The following LRP1B variants were observed in gnomAD, a reference collection of about 807,000 sequenced individuals.
LRP1B encodes low-density lipoprotein receptor-related protein 1B.
In LRP1B, 217 loss-of-function variants were observed where a neutral mutation model predicts 556.6. The ratio of observed to expected loss-of-function variants is 0.39; its 90% CI spans 0.35 to 0.44. LRP1B has a LOEUF of 0.44. Among genes scored for constraint, LRP1B ranks in the 20% least tolerant of loss-of-function variants. The pLI, the probability that LRP1B is intolerant of heterozygous loss-of-function variation, is 1.00. For synonymous variants in LRP1B, 2,047 were observed against 1,865.8 expected, an observed-to-expected ratio of 1.10 and a Z score of -2.50; for missense variants, 5,053 against 5,620.8, an observed-to-expected ratio of 0.90 and a Z score of 3.23.
chr2:141,684,907 A>T (rs1302144009), intron 2 of LRP1B, among the ~76,000 whole-genome samples: 1 of 152,034 alleles, frequency 6.6e-6, no homozygotes, highest in Non-Finnish European at 1.5e-5. Flanking sequence ...GCCTAACACA[A>T]CTGCTCAGGT....
At chr2:141,249,942 T>C (rs1317821193) in intron 4 of LRP1B, among the ~76,000 whole-genome samples, 3 of 152,094 alleles carry the variant, frequency 2.0e-5, no homozygotes, top group Non-Finnish European at 4.4e-5. Context: ...ATTAACAGAG[T>C]TTTGTCCTCA....
At chr2:141,917,923 G>A (rs1438190678) in intron 1 of LRP1B, among the ~76,000 whole-genome samples, 1 of 152,102 alleles carries the variant, frequency 6.6e-6, no homozygotes, top group Non-Finnish European at 1.5e-5. Context: ...ACAAGAAACA[G>A]CTAACATGTC....
intron 1 of LRP1B, among the ~76,000 whole-genome samples, chr2:141,874,285 A>G (rs942461997): frequency 6.6e-6 from 1 of 151,730 alleles, no homozygotes; most frequent in African/African-American, 2.4e-5. Context: ...GTTGATCACA[A>G]TTTTACTACT....
intron 3 of LRP1B, among the ~76,000 whole-genome samples, chr2:141,418,325 C>T (rs187381710): frequency 6.6e-6 from 1 of 152,016 alleles, no homozygotes; most frequent in Admixed American, 6.6e-5. Context: ...AATGTTATAA[C>T]CCTTTTGCCC....
intron 43 of LRP1B, among the ~76,000 whole-genome samples, chr2:140,589,359 A>G (rs945477624): frequency 6.6e-5 from 10 of 152,180 alleles, no homozygotes; most frequent in Non-Finnish European, 1.5e-4. Context: ...GTAAAATGGT[A>G]CAGTCATTCT....
chr2:141,553,745 A>C (rs369062032), intron 2 of LRP1B, among the ~76,000 whole-genome samples: 13 of 137,446 alleles, frequency 9.5e-5, no homozygotes, highest in African/African-American at 3.6e-4. Context: ...ATTATATATA[A>C]AATATATAAT....
rs78969754 is a variant in LRP1B, at chr2:140,304,600, T to C, written c.12806-6631A>G. Among the ~76,000 whole-genome samples the C allele has an allele frequency of 5.0e-3, 763 of 152,304 alleles. 52 individuals are homozygous for C. The East Asian group carries it at 0.14, about 27-fold the overall frequency. On this transcript the variant is annotated intron_variant, in intron 83 of 90. Transcript: ENST00000389484. The stretch of plus-strand genomic sequence containing the variant: ...ATTGCAAAAATGTTCTCCCATTCTG[T>C]AGGTTGCCCGTTCACTCTGATGGTA...
At chr2:141,475,549 C>T (rs1391275010) in intron 3 of LRP1B, among the ~76,000 whole-genome samples, 3 of 152,222 alleles carry the variant, frequency 2.0e-5, no homozygotes, top group Non-Finnish European at 2.9e-5. Context: ...TGGAAACCCA[C>T]GGCCCTAAAT....
At chr2:141,041,646 C>G (rs1190185807) in intron 11 of LRP1B, among the ~76,000 whole-genome samples, 1 of 152,066 alleles carries the variant, frequency 6.6e-6, no homozygotes, top group Non-Finnish European at 1.5e-5. Context: ...ATGGGAGGAA[C>G]AAGTTCTAGT....
At chr2:141,990,949 A>G (rs1702326648) in intron 1 of LRP1B, among the ~76,000 whole-genome samples, 2 of 152,072 alleles carry the variant, frequency 1.3e-5, no homozygotes, top group South Asian at 4.1e-4. Flanking sequence ...CTACCTTTCC[A>G]ACATCACTTG....
chr2:142,027,172 G>A (rs918861681), intron 1 of LRP1B, among the ~76,000 whole-genome samples: 15 of 151,920 alleles, frequency 9.9e-5, no homozygotes, highest in African/African-American at 3.4e-4. Flanking sequence ...ATGGAGAGTG[G>A]TCAGACTGCT....
At chr2:141,338,363 C>T (rs1687926717) in intron 3 of LRP1B, among the ~76,000 whole-genome samples, 1 of 152,152 alleles carries the variant, frequency 6.6e-6, no homozygotes, top group Admixed American at 6.5e-5. Flanking sequence ...AGTACCCTTT[C>T]CCGCTTCTCT....
rs927201996 is a variant in LRP1B, at chr2:140,923,130, C to A, written c.3154G>T (p.Gly1052Cys). The A allele has an allele frequency of 1.2e-6, 2 of 1,611,610 alleles. No homozygotes were observed. Among genetic ancestry groups the A allele is most frequent in the Non-Finnish European group, 1.7e-6 (2 of 1,178,694 alleles). Reference protein sequence around the residue: ...CTKEEIHSPAGCNGNEFQCHP... With the variant: ...CTKEEIHSPACCNGNEFQCHP... ...CACTGAAATTCATTTCCGTTACAAC[C>A]AGCAGGAGAATGAATCTCTTAATTT... is the stretch of plus-strand genomic sequence containing the variant. Residue 1052 changes from glycine to cysteine, a missense_variant, in exon 21 of 91, where the codon GGT becomes TGT. Around this residue, in one of 5 missense-constraint regions of LRP1B, gnomAD observed 3,619 missense variants for 3,931.9 expected, o/e 0.92. Coordinates refer to ENST00000389484, the MANE Select transcript of LRP1B (RefSeq NM_018557.3).
intron 2 of LRP1B, among the ~76,000 whole-genome samples, chr2:141,639,657 G>T (rs1391645651): frequency 2.0e-5 from 3 of 151,416 alleles, no homozygotes; most frequent in Admixed American, 2.0e-4. Flanking sequence ...TATCTCACTG[G>T]ATTGTCTGGG....
chr2:140,514,663 G>T lies in LRP1B; in HGVS notation c.8259C>A (p.Asp2753Glu), dbSNP rs1689810325. The change falls in exon 51 of 91, where the codon GAC becomes GAA. Residue 2753 changes from aspartate to glutamate, a missense_variant. Asp to Glu is a conservative substitution (Grantham distance 45, BLOSUM62 2). This residue lies in a region of LRP1B where 3,619 missense variants were observed against 3,931.9 expected (regional missense o/e 0.92). Transcript: ENST00000389484. ...DDCGDGLDESDSICGAITCAA... is the reference protein window; with the variant it reads ...DDCGDGLDESESICGAITCAA... ...AGATACACAACTTACCACAAATGCT[G>T]TCACTTTCATCTAACCCATCCCCAC... The T allele has an allele frequency of 6.2e-7, 1 of 1,609,166 alleles. No individual in the cohort carries two copies. Among genetic ancestry groups the T allele is most frequent in the African/African-American group, 1.3e-5 (1 of 74,760 alleles).
chr2:140,789,639 TTTTTTTTTTGA>T (rs1366914999), intron 32 of LRP1B, among the ~76,000 whole-genome samples: 6 of 130,148 alleles, frequency 4.6e-5, no homozygotes, highest in Non-Finnish European at 1.0e-4. Flanking sequence ...TTTTTTTTTT[TTTTTTTTTTGA>T]GACGGAGTCT....
chr2:141,055,295 A>G (rs2105456370), intron 9 of LRP1B, 36 bp from the exon 10 acceptor site: 1 of 1,592,192 alleles, frequency 6.3e-7, no homozygotes, highest in Non-Finnish European at 8.6e-7. Context: ...GTGAAATTCA[A>G]GTTCAAAGAT....
chr2:140,262,607 T>C (rs776940787), intron 86 of LRP1B, among the ~76,000 whole-genome samples: 2 of 152,114 alleles, frequency 1.3e-5, no homozygotes, highest in Non-Finnish European at 2.9e-5. Context: ...TACTGGACAA[T>C]AAATGGGTCC....
In LRP1B at chr2:141,656,556, C is replaced by A. The variant is rs570123492; in HGVS notation, c.205+153723G>T. On this transcript the variant is annotated intron_variant, in intron 2 of 90. Transcript: ENST00000389484. The stretch of plus-strand genomic sequence containing the variant: ...TTTCTATACCTGGTATTGATTTAAA[C>A]GTTGCTAATTAAATGATAGTTTTAT... Among the ~76,000 whole-genome samples, 119 of 152,164 alleles carry A rather than the reference C, an allele frequency of 7.8e-4. 3 individuals are homozygous for A. In the South Asian group the frequency reaches 9.3e-3, roughly 12 times the overall value.
Sources: allele counts gnomAD v4.1 joint callset (sites outside exome capture counted in the v4.1 genomes callset), GRCh38; gene constraint gnomAD v4.1.1; regional missense constraint gnomAD v4.1.1; transcripts MANE v1.5; gene names NCBI Gene and HGNC (gene_info 2026-07-23, HGNC 2026-07-21).